The following POU2F1 variants were observed in gnomAD, a reference collection of about 807,000 sequenced individuals.
POU2F1 encodes the protein POU domain, class 2, transcription factor 1.
A neutral mutation model predicts 84.9 loss-of-function variants in POU2F1; 16 were observed. The ratio of observed to expected loss-of-function variants is 0.19; its 90% confidence interval spans 0.13 to 0.29. The LOEUF (loss-of-function observed/expected upper bound fraction) is 0.29, where lower values mean the gene tolerates loss of function less well. Among genes scored for constraint, POU2F1 ranks in the 10% least tolerant of loss-of-function variants. The pLI is 1.00. For missense variants in POU2F1, 738 were observed against 942.6 expected (o/e 0.78, Z 2.84); for synonymous variants, 368 against 368.3 (o/e 1.00, Z 0.01).
At chr1:167,396,233 G>A in intron 9 of POU2F1, 53 bp from the exon 10 acceptor site, 2 of 1,600,044 alleles carry the variant, frequency 1.2e-6, no homozygotes, top group Non-Finnish European at 1.7e-6. Flanking sequence ...TTAAGCACTG[G>A]TGAGATAACT....
chr1:167,366,635 T>G (rs1659700155), intron 3 of POU2F1, among the ~76,000 whole-genome samples: 1 of 152,204 alleles, frequency 6.6e-6, no homozygotes, highest in Non-Finnish European at 1.5e-5. Context: ...GGAACACTTT[T>G]GCTCAGGCAC....
At chr1:167,233,522 T>A (rs1265962035) in intron 1 of POU2F1, among the ~76,000 whole-genome samples, 1 of 152,204 alleles carries the variant, frequency 6.6e-6, no homozygotes. Context: ...TACAGGTTTG[T>A]AGTCTAGGAG....
intron 8 of POU2F1, 107 bp downstream of exon 8, chr1:167,384,058 C>A: frequency 1.1e-6 from 1 of 884,620 alleles, no homozygotes; most frequent in Non-Finnish European, 1.7e-6. Context: ...ATTCGGTCTT[C>A]GAAAACTGAC....
At chr1:167,314,785 C>T (rs1365496348) in intron 1 of POU2F1, among the ~76,000 whole-genome samples, 1 of 152,092 alleles carries the variant, frequency 6.6e-6, no homozygotes, top group Non-Finnish European at 1.5e-5. Flanking sequence ...CAAAAAACAA[C>T]AGCGAAATCC....
intron 1 of POU2F1, among the ~76,000 whole-genome samples, chr1:167,252,098 GTAA>G (rs887998068): frequency 6.6e-6 from 1 of 151,926 alleles, no homozygotes; most frequent in African/African-American, 2.4e-5. Context: ...CTGACCTCAA[GTAA>G]TCCACCTGCC....
chr1:167,275,568 A>G (rs1652671557), intron 1 of POU2F1, among the ~76,000 whole-genome samples: 1 of 152,156 alleles, frequency 6.6e-6, no homozygotes, highest in African/African-American at 2.4e-5. Flanking sequence ...TTAAAGTGTT[A>G]GTGTTCGCTT....
chr1:167,303,391 G>C (rs761364525), intron 1 of POU2F1: 2 of 154,294 alleles, frequency 1.3e-5, no homozygotes, highest in Non-Finnish European at 2.9e-5. Context: ...GTCCCCCACT[G>C]TGTGTAATTG....
chr1:167,411,065 G>T (rs2101941887), intron 13 of POU2F1, among the ~76,000 whole-genome samples: 1 of 150,272 alleles, frequency 6.7e-6, no homozygotes, highest in Non-Finnish European at 1.5e-5. Flanking sequence ...TCTTGAGATG[G>T]AGTCTTGCTC....
intron 1 of POU2F1, among the ~76,000 whole-genome samples, chr1:167,299,695 G>GTTTTTTTTTTTTTTTTTTTTTTTTTTTT (rs571000920): frequency 9.3e-5 from 13 of 139,338 alleles, no homozygotes; most frequent in African/African-American, 3.7e-4. Flanking sequence ...GGAGACCAGA[G>GTTTTTTTTTTTTTTTTTTTTTTTTTTTT]TTTTTTTTTT....
chr1:167,295,913 G>A (rs1451707268), intron 1 of POU2F1, among the ~76,000 whole-genome samples: 1 of 152,136 alleles, frequency 6.6e-6, no homozygotes. Context: ...GTGAATAGAT[G>A]TGTTATGGAG....
intron 1 of POU2F1, among the ~76,000 whole-genome samples, chr1:167,267,016 G>C (rs1652010288): frequency 1.3e-5 from 2 of 151,994 alleles, no homozygotes; most frequent in Non-Finnish European, 1.5e-5. Context: ...GTTTCTTGGA[G>C]GTTTGTTTGT....
Position 167,422,679 on chromosome 1 carries a change from G to C in POU2F1, c.*6869G>C, listed in dbSNP as rs1202286481. 1 of 152,138 alleles carries C rather than the reference G, an allele frequency of 6.6e-6. No individual in the cohort carries two copies. Among genetic ancestry groups the C allele is most frequent in the East Asian group, 1.9e-4 (1 of 5,192 alleles). The allele number at this position is 152,138 out of a possible 1,614,324, so 9.4% of individuals were successfully genotyped here. A position where few individuals can be genotyped will look rare whatever the true frequency, so the allele number is the denominator to read the frequency against. On this transcript the variant is annotated 3_prime_UTR_variant, in exon 16 of 16. Coordinates refer to ENST00000367866, the MANE Select transcript of POU2F1 (RefSeq NM_002697.4). ...GGCTCCCTGAGTTCGGATATAGACT[G>C]TATCTCTAGAAAGGCTATTTTTTTA...
intron 1 of POU2F1, among the ~76,000 whole-genome samples, chr1:167,290,086 A>G (rs1180702445): frequency 6.6e-6 from 1 of 152,168 alleles, no homozygotes; most frequent in African/African-American, 2.4e-5. Flanking sequence ...TACATAAATA[A>G]GGAACTACTA....
At chr1:167,238,898 C>T (rs959329668) in intron 1 of POU2F1, among the ~76,000 whole-genome samples, 27 of 152,288 alleles carry the variant, frequency 1.8e-4, no homozygotes, top group African/African-American at 6.0e-4. Context: ...GTTGGCTACT[C>T]AGATGGGTGG....
intron 1 of POU2F1, among the ~76,000 whole-genome samples, chr1:167,298,632 A>T (rs1246214459): frequency 6.6e-6 from 1 of 152,086 alleles, no homozygotes; most frequent in African/African-American, 2.4e-5. Flanking sequence ...TGGTCTTCAG[A>T]TTCATTCAAA....
chr1:167,352,681 C>G (rs527775271), intron 2 of POU2F1, among the ~76,000 whole-genome samples: 1 of 152,276 alleles, frequency 6.6e-6, no homozygotes, highest in South Asian at 2.1e-4. Flanking sequence ...TTTAATGTCC[C>G]TTTCAGCTTT....
At chr1:167,346,684 G>A (rs942181858) in intron 2 of POU2F1, among the ~76,000 whole-genome samples, 8 of 152,166 alleles carry the variant, frequency 5.3e-5, no homozygotes, top group African/African-American at 9.7e-5. Flanking sequence ...AGGAGGCAGC[G>A]CTCAGGCAAT....
At chr1:167,399,152 A>G (rs745562630) in intron 11 of POU2F1, 34 bp from the exon 12 acceptor site, 6 of 1,569,134 alleles carry the variant, frequency 3.8e-6, no homozygotes, top group Non-Finnish European at 3.5e-6. Context: ...ATTGCAAAGG[A>G]TAGCTTTTGG....
chr1:167,327,019 CATT>C (rs1461934794), intron 1 of POU2F1, among the ~76,000 whole-genome samples: 1 of 152,164 alleles, frequency 6.6e-6, no homozygotes, highest in African/African-American at 2.4e-5. Flanking sequence ...TCACATTCAT[CATT>C]GCTTTTCATC....
Sources: allele counts gnomAD v4.1 joint callset (sites outside exome capture counted in the v4.1 genomes callset), GRCh38; gene constraint gnomAD v4.1.1; transcripts MANE v1.5; gene names NCBI Gene and HGNC (gene_info 2026-07-23, HGNC 2026-07-21).